Variants in LMAN1 observed in about 807,000 individuals in gnomAD.
LMAN1 encodes protein ERGIC-53.
Under a neutral mutation model 67.8 loss-of-function variants are expected in LMAN1, and 32 were observed. The ratio of observed to expected loss-of-function variants is 0.47; its 90% CI spans 0.36 to 0.63. The LOEUF (loss-of-function observed/expected upper bound fraction) is 0.63. Among genes scored for constraint, LMAN1 ranks in the 30% least tolerant of loss-of-function variants. The probability of loss-of-function intolerance (pLI) is 0.00; values close to 1 mark genes in which losing one functional copy is unlikely to be tolerated. For missense variants in LMAN1, 632 were observed against 628.2 expected, an observed-to-expected ratio of 1.01 and a Z score of -0.06; for synonymous variants, 235 against 219.3, an observed-to-expected ratio of 1.07 and a Z score of -0.63.
rs1908481716 is a variant in LMAN1, at chr18:59,348,991, T to C, written c.763+122A>G. The C allele has an allele frequency of 6.1e-6, 7 of 1,156,550 alleles. 1 individual carries two copies. The highest frequency in any genetic ancestry group is 4.6e-5 in the African/African-American group (3 of 65,858). 71.6% of individuals were successfully genotyped at this position (1,156,550 alleles called of 1,614,324 possible). A position where few individuals can be genotyped will look rare whatever the true frequency, so the allele number is the denominator to read the frequency against. ...ACCAAAAGACTGGCACAAGAGGTGATGGGAAAGTTCCAAACAGTCTTAAAA... is the reference window on the plus strand; with the variant it reads ...ACCAAAAGACTGGCACAAGAGGTGACGGGAAAGTTCCAAACAGTCTTAAAA... On this transcript the variant is annotated intron_variant, in intron 6 of 12. Coordinates refer to ENST00000251047, the MANE Select transcript of LMAN1 (RefSeq NM_005570.4).
chr18:59,349,091 A>G (rs1908483679), intron 6 of LMAN1, 22 bp downstream of exon 6: 2 of 1,613,906 alleles, frequency 1.2e-6, no homozygotes, highest in Non-Finnish European at 1.7e-6. Context: ...AACTTTTAAT[A>G]TCATCAGACT....
At position 59,342,250 on chromosome 18, in the gene LMAN1, T is replaced by C. The variant is rs146064225; in HGVS notation, c.956-3297A>G. On this transcript the variant is annotated intron_variant, in intron 8 of 12. Coordinates refer to ENST00000251047, the MANE Select transcript of LMAN1 (RefSeq NM_005570.4). ...TTATAGCTGAATTCTATCAAACATATCAAGAAGAACCAATTCTCCTGAAAT... is the reference window on the plus strand; with the variant it reads ...TTATAGCTGAATTCTATCAAACATACCAAGAAGAACCAATTCTCCTGAAAT... Among the ~76,000 whole-genome samples, 9 of 151,598 alleles carry C rather than the reference T, an allele frequency of 5.9e-5. No individual in the cohort carries two copies. The East Asian group carries it at 1.7e-3, about 29-fold the overall frequency.
At position 59,331,077 on chromosome 18, in the gene LMAN1, C is replaced by T; in HGVS notation, c.*16G>A. ...ATTTTGTACACAAATAGATGAAGTA[C>T]ACAGGAAAATGGTAGTCAAAAGAAT... On this transcript the variant is annotated 3_prime_UTR_variant, in exon 13 of 13. Coordinates refer to ENST00000251047, the MANE Select transcript of LMAN1 (RefSeq NM_005570.4). The T allele has an allele frequency of 1.3e-6, 2 of 1,591,180 alleles. No individual in the cohort carries two copies. The highest frequency in any genetic ancestry group is 1.7e-6 in the Non-Finnish European group (2 of 1,160,110).
rs141935280 is a variant in LMAN1 at position 59,336,132 on chromosome 18, T to C, written c.1220+2425A>G. 2.0e-3 allele frequency among the ~76,000 whole-genome samples: 301 copies of C among 152,298 alleles called. 1 individual carries two copies. Among genetic ancestry groups the C allele is most frequent in the South Asian group, 5.0e-3 (24 of 4,826 alleles). On this transcript the variant is annotated intron_variant, in intron 10 of 12. Transcript: ENST00000251047. ...ACACGGAACTACAGACTCATGTACA[T>C]GCATGGGTTGGTATACATATGTATA...
At chr18:59,356,488 T>G (rs1447485867) in intron 1 of LMAN1, among the ~76,000 whole-genome samples, 1 of 152,228 alleles carries the variant, frequency 6.6e-6, no homozygotes, top group South Asian at 2.1e-4. Flanking sequence ...TAAAGGTCTA[T>G]CAGACTTAAA....
intron 3 of LMAN1, 28 bp from the exon 4 acceptor site, chr18:59,354,608 A>C: frequency 3.5e-6 from 4 of 1,150,350 alleles, no homozygotes; most frequent in Non-Finnish European, 5.2e-6. Flanking sequence ...ATTTTAAAAA[A>C]TGTCTTTAAT....
chr18:59,349,292 C>A, intron 5 of LMAN1, 56 bp from the exon 6 acceptor site: 1 of 1,490,262 alleles, frequency 6.7e-7, no homozygotes, highest in Non-Finnish European at 9.3e-7. Flanking sequence ...AAATAAATTT[C>A]AATCGATCCA....
rs183873209 is a variant in LMAN1, at chr18:59,345,970, T to A, written c.904A>T (p.Lys302Ter). ...EFEHFQQELDKKKEEFQKGHP... is the reference protein window; with the variant it reads ...EFEHFQQELD The stretch of plus-strand genomic sequence containing the variant: ...CCCTTCTGGAATTCCTCTTTTTTTT[T>A]ATCCAATTCTTGTTGAAAGTGCTCA... The change falls in exon 8 of 13, where the codon AAA (lysine) becomes TAA (stop). Residue 302 changes from lysine (K) to a stop codon, truncating the protein, a stop_gained. Coordinates refer to ENST00000251047, the MANE Select transcript of LMAN1 (RefSeq NM_005570.4). LOFTEE classifies it high-confidence loss of function. The A allele has an allele frequency of 1.7e-5, 27 of 1,613,902 alleles. No individual in the cohort carries two copies. The highest frequency in any genetic ancestry group is 1.6e-4 in the Middle Eastern group (1 of 6,062).
intron 11 of LMAN1, among the ~76,000 whole-genome samples, chr18:59,332,061 A>G (rs2070751002): frequency 6.6e-6 from 1 of 152,068 alleles, no homozygotes; most frequent in South Asian, 2.1e-4. Flanking sequence ...TTCTTTCCCT[A>G]TTTCCCTGAG....
chr18:59,349,070 C>T, intron 6 of LMAN1, 43 bp downstream of exon 6: 2 of 1,611,452 alleles, frequency 1.2e-6, no homozygotes, highest in Non-Finnish European at 1.7e-6. Flanking sequence ...CCCAATAAAA[C>T]ACACCTCACA....
At position 59,331,142 on chromosome 18, in the gene LMAN1, A is replaced by G. The variant is rs747277012; in HGVS notation, c.1497-13T>C. On this transcript the variant is annotated splice_polypyrimidine_tract_variant and intron_variant, in intron 12 of 12. Transcript: ENST00000251047. ...TTCTTGCTGAGACCTAATGAAAAAAAGAAACAAACACTTAAAGAAGTTCTA... is the reference window on the plus strand; with the variant it reads ...TTCTTGCTGAGACCTAATGAAAAAAGGAAACAAACACTTAAAGAAGTTCTA... 6.2e-7 allele frequency: 1 copy of G among 1,609,012 alleles called. No homozygotes were observed. Among genetic ancestry groups the G allele is most frequent in the Non-Finnish European group, 8.5e-7 (1 of 1,176,472 alleles).
At chr18:59,349,334 A>AT in intron 5 of LMAN1, 98 bp from the exon 6 acceptor site, 1 of 1,069,970 alleles carries the variant, frequency 9.3e-7, no homozygotes, top group African/African-American at 1.6e-5. Context: ...TTGTTTCATT[A>AT]TTATAAAGAG....
intron 8 of LMAN1, among the ~76,000 whole-genome samples, chr18:59,345,392 T>C (rs1908376617): frequency 6.6e-6 from 1 of 152,232 alleles, no homozygotes; most frequent in African/African-American, 2.4e-5. Flanking sequence ...TTTTCAAGTA[T>C]ACAGTCCAGG....
intron 3 of LMAN1, among the ~76,000 whole-genome samples, chr18:59,355,018 C>T (rs191600644): frequency 2.6e-5 from 4 of 152,258 alleles, no homozygotes; most frequent in East Asian, 1.9e-4. Context: ...TCACCACCTA[C>T]GTCTAAGGAT....
In LMAN1 at chr18:59,349,229, A is replaced by C. The variant is rs1459947109; in HGVS notation, c.647T>G (p.Ile216Ser). Residue 216 changes from isoleucine to serine, a missense_variant, in exon 6 of 13, where the codon ATC (isoleucine) becomes AGC (serine). Coordinates refer to ENST00000251047, the MANE Select transcript of LMAN1 (RefSeq NM_005570.4). ...TTTATCTGGTGTAAAGCCATTATTG[A>C]TCATTACCTAGAAAGACATATCATA... ...TYYQNTLTVM[I>S]NNGFTPDKND... is the part of the protein sequence containing the mutation. The C allele has an allele frequency of 6.2e-7, 1 of 1,612,558 alleles. No individual in the cohort carries two copies. The highest frequency in any genetic ancestry group is 8.5e-7 in the Non-Finnish European group (1 of 1,178,754).
In LMAN1 at chr18:59,354,582, TA is replaced by T. The variant is rs775489956; in HGVS notation, c.478-3del. 96 of 1,382,352 alleles carry T rather than the reference TA, an allele frequency of 6.9e-5. No homozygotes were observed. The highest frequency in any genetic ancestry group is 8.4e-5 in the Non-Finnish European group (82 of 973,776). 85.6% of individuals were successfully genotyped at this position (1,382,352 alleles called of 1,614,324 possible). ...AATTACTATAGCAGGATTATTTTTC[TA>T]AAAAAAAGGAAAACATTTTAAAAAA... On this transcript the variant is annotated splice_region_variant and splice_polypyrimidine_tract_variant and intron_variant, in intron 3 of 12. Coordinates refer to ENST00000251047, the MANE Select transcript of LMAN1 (RefSeq NM_005570.4).
intron 8 of LMAN1, among the ~76,000 whole-genome samples, chr18:59,340,331 C>T (rs1291020612): frequency 1.3e-5 from 2 of 152,128 alleles, no homozygotes; most frequent in African/African-American, 4.8e-5. Flanking sequence ...TTCACTACAG[C>T]ATATTGTATT....
chr18:59,346,397 TA>T (rs1302734223), intron 7 of LMAN1, among the ~76,000 whole-genome samples: 2 of 151,640 alleles, frequency 1.3e-5, no homozygotes, highest in Admixed American at 1.3e-4. Context: ...ATTTTTTTTG[TA>T]TTTTTTAGTA....
At chr18:59,338,286 C>G (rs939810559) in intron 10 of LMAN1, among the ~76,000 whole-genome samples, 10 of 152,102 alleles carry the variant, frequency 6.6e-5, no homozygotes, top group Non-Finnish European at 1.2e-4. Flanking sequence ...AAGAACACAC[C>G]TGGCTCTGTC....
Sources: gnomAD v4.1 joint callset for allele counts (sites outside exome capture counted in the v4.1 genomes callset) on GRCh38, gnomAD v4.1.1 for gene constraint, MANE v1.5 for transcripts, NCBI Gene and HGNC (gene_info 2026-07-23, HGNC 2026-07-21) for gene names.